Variants in BMPR1B observed in about 807,000 individuals in gnomAD.
The protein encoded by BMPR1B is bone morphogenetic protein receptor type-1B.
BMPR1B carries 12 observed loss-of-function variants against 59.1 expected under a neutral mutation model. The ratio of observed to expected loss-of-function variants is 0.20; its 90% CI spans 0.13 to 0.33. The LOEUF is 0.33. Among genes scored for constraint, BMPR1B ranks in the 10% least tolerant of loss-of-function variants. The pLI is 1.00. For synonymous variants in BMPR1B, 237 were observed against 207.3 expected, an observed-to-expected ratio of 1.14 and a Z score of -1.23; for missense variants, 550 against 610.9, an observed-to-expected ratio of 0.90 and a Z score of 1.05.
chr4:95,024,034 G>T (rs1417168617), intron 3 of BMPR1B, among the ~76,000 whole-genome samples: 2 of 152,030 alleles, frequency 1.3e-5, no homozygotes, highest in Non-Finnish European at 2.9e-5. Flanking sequence ...TTCCCATTAG[G>T]CCACTCCAAA....
intron 1 of BMPR1B, among the ~76,000 whole-genome samples, chr4:94,842,438 T>TA (rs1725126086): frequency 6.6e-6 from 1 of 152,194 alleles, no homozygotes; most frequent in Admixed American, 6.5e-5. Context: ...ATGGTTTTCA[T>TA]AAAATATTTT....
At chr4:94,817,481 T>C (rs558868104) in intron 1 of BMPR1B, among the ~76,000 whole-genome samples, 1 of 152,300 alleles carries the variant, frequency 6.6e-6, no homozygotes, top group Admixed American at 6.5e-5. Flanking sequence ...GTTTTCTAGG[T>C]ACATGGCCTT....
At chr4:94,938,493 TA>T (rs896657009) in intron 2 of BMPR1B, among the ~76,000 whole-genome samples, 68 of 144,810 alleles carry the variant, frequency 4.7e-4, no homozygotes, top group African/African-American at 6.0e-4. Context: ...AGACTGTGTC[TA>T]AAAAAAAAAA....
intron 4 of BMPR1B, among the ~76,000 whole-genome samples, chr4:95,106,926 ATT>A (rs67979011): frequency 1.4e-5 from 2 of 144,122 alleles, no homozygotes; most frequent in African/African-American, 5.0e-5. Context: ...ACATTTCTTC[ATT>A]TTTTTTTTTT....
intron 8 of BMPR1B, among the ~76,000 whole-genome samples, chr4:95,128,688 T>C (rs1284680033): frequency 6.6e-6 from 1 of 152,204 alleles, no homozygotes; most frequent in African/African-American, 2.4e-5. Flanking sequence ...AATATGCTGG[T>C]TTGTCTACCT....
chr4:94,928,468 A>T (rs1728973339), intron 2 of BMPR1B, among the ~76,000 whole-genome samples: 1 of 152,036 alleles, frequency 6.6e-6, no homozygotes, highest in African/African-American at 2.4e-5. Context: ...TAAACTAAAA[A>T]TATTTTTAAG....
intron 3 of BMPR1B, among the ~76,000 whole-genome samples, chr4:95,003,532 T>TA (rs539243398): frequency 1.2e-3 from 185 of 152,296 alleles, no homozygotes; most frequent in Non-Finnish European, 1.8e-3. Context: ...GTATGTTACT[T>TA]ATGTTAAGCC....
chr4:94,876,727 CATA>C (rs1306358161), intron 2 of BMPR1B, among the ~76,000 whole-genome samples: 1 of 152,130 alleles, frequency 6.6e-6, no homozygotes, highest in African/African-American at 2.4e-5. Context: ...TGAACTGGCT[CATA>C]ATAATGATGG....
At chr4:94,864,491 T>C (rs1225357054) in intron 1 of BMPR1B, among the ~76,000 whole-genome samples, 3 of 152,160 alleles carry the variant, frequency 2.0e-5, no homozygotes, top group African/African-American at 7.2e-5. Context: ...CTGAATTCCA[T>C]ATGAAGGAAA....
intron 1 of BMPR1B, among the ~76,000 whole-genome samples, chr4:94,796,164 C>G (rs548143056): frequency 5.2e-4 from 79 of 152,168 alleles, no homozygotes; most frequent in African/African-American, 1.8e-3. Context: ...GGGGTTTCAC[C>G]ATGTTGGCCA....
At chr4:94,961,618 A>G (rs757827518) in intron 2 of BMPR1B, among the ~76,000 whole-genome samples, 7 of 152,168 alleles carry the variant, frequency 4.6e-5, no homozygotes, top group Admixed American at 6.5e-5. Flanking sequence ...AAGCTTTCCT[A>G]AACAGAGTTT....
At chr4:94,983,236 A>G (rs541446853) in intron 2 of BMPR1B, among the ~76,000 whole-genome samples, 1 of 152,126 alleles carries the variant, frequency 6.6e-6, no homozygotes, top group East Asian at 1.9e-4. Flanking sequence ...TTTAAATTTT[A>G]TTATTGCTTT....
chr4:94,876,168 C>A (rs1254232416), intron 2 of BMPR1B, among the ~76,000 whole-genome samples: 1 of 152,202 alleles, frequency 6.6e-6, no homozygotes, highest in Non-Finnish European at 1.5e-5. Context: ...GGCCTACACA[C>A]TTAGTCTGTT....
intron 1 of BMPR1B, among the ~76,000 whole-genome samples, chr4:94,864,773 A>G (rs1178028170): frequency 6.6e-6 from 1 of 152,192 alleles, no homozygotes; most frequent in African/African-American, 2.4e-5. Context: ...AATAATGACA[A>G]GGAAAAAAAG....
At chr4:95,114,685 C>T in intron 4 of BMPR1B, 35 bp from the exon 5 acceptor site, 1 of 1,536,676 alleles carries the variant, frequency 6.5e-7, no homozygotes, top group Non-Finnish European at 9.0e-7. Context: ...CACACACACA[C>T]ATTCTGTTTC....
chr4:94,905,432 A>T (rs1187007281), intron 2 of BMPR1B, among the ~76,000 whole-genome samples: 1 of 152,066 alleles, frequency 6.6e-6, no homozygotes, highest in African/African-American at 2.4e-5. Flanking sequence ...CTTATAGTTT[A>T]AAAACAGCTC....
At chr4:94,783,273 C>T (rs765596833) in intron 1 of BMPR1B, among the ~76,000 whole-genome samples, 7 of 152,064 alleles carry the variant, frequency 4.6e-5, no homozygotes, top group Non-Finnish European at 5.9e-5. Context: ...TTTTTGAGGC[C>T]GGTGTTTGAG....
intron 3 of BMPR1B, among the ~76,000 whole-genome samples, chr4:95,068,944 A>C (rs1459763662): frequency 6.6e-6 from 1 of 152,184 alleles, no homozygotes; most frequent in Non-Finnish European, 1.5e-5. Flanking sequence ...ATATAATGAA[A>C]CCAATTTTTT....
chr4:94,825,999 T>C (rs1461255532), intron 1 of BMPR1B, among the ~76,000 whole-genome samples: 1 of 152,156 alleles, frequency 6.6e-6, no homozygotes, highest in Non-Finnish European at 1.5e-5. Context: ...CCCAGTGCCA[T>C]TGGTTATTGG....
Sources: gnomAD v4.1 joint callset for allele counts (sites outside exome capture counted in the v4.1 genomes callset) on GRCh38, gnomAD v4.1.1 for gene constraint, MANE v1.5 for transcripts, NCBI Gene and HGNC (gene_info 2026-07-23, HGNC 2026-07-21) for gene names.